FREM1: variants seen among roughly 807,000 people sequenced by gnomAD.
FREM1 encodes the protein FRAS1 related extracellular matrix 1, also known as FRAS1-related extracellular matrix protein 1.
FREM1 carries 220 observed loss-of-function variants against 210.1 expected under a neutral mutation model. That is an observed-to-expected ratio of 1.05 (90% CI 0.94 to 1.17). The LOEUF (loss-of-function observed/expected upper bound fraction) is 1.17, where lower values mean the gene tolerates loss of function less well. Among genes scored for constraint, FREM1 ranks in the 50% most tolerant of loss-of-function variants. FREM1 has a pLI of 0.00. For synonymous variants in FREM1, 1,189 were observed against 980.2 expected (o/e 1.21, Z -3.98); for missense variants, 3,454 against 2,675.5 (o/e 1.29, Z -6.42).
At chr9:14,810,759 T>C (rs960564073) in intron 16 of FREM1, among the ~76,000 whole-genome samples, 1 of 152,210 alleles carries the variant, frequency 6.6e-6, no homozygotes, top group African/African-American at 2.4e-5. Context: ...GCTGCATATG[T>C]TACAACATAA....
At chr9:14,817,257 G>T (rs1217014520) in intron 14 of FREM1, among the ~76,000 whole-genome samples, 1 of 152,152 alleles carries the variant, frequency 6.6e-6, no homozygotes, top group African/African-American at 2.4e-5. Context: ...CTGTGGATTT[G>T]ATCTTTTTCT....
In FREM1 at chr9:14,816,774, C is replaced by T. The variant is rs886063769; in HGVS notation, c.2640+4G>A. The stretch of plus-strand genomic sequence containing the variant: ...ATAACCCAGGGAAGAAACTTTCTAC[C>T]CACCTCAACATGTAGTACAAATTCT... On this transcript the variant is annotated splice_donor_region_variant and intron_variant, in intron 15 of 36. Coordinates refer to ENST00000380880, the MANE Select transcript of FREM1 (RefSeq NM_001379081.2). The T allele has an allele frequency of 7.3e-7, 1 of 1,378,458 alleles. No individual in the cohort carries two copies. Among genetic ancestry groups the T allele is most frequent in the Non-Finnish European group, 9.6e-7 (1 of 1,037,464 alleles). 85.4% of individuals were successfully genotyped at this position (1,378,458 alleles called of 1,614,324 possible).
At chr9:14,898,845 C>T (rs1015889671) in intron 1 of FREM1, among the ~76,000 whole-genome samples, 17 of 152,140 alleles carry the variant, frequency 1.1e-4, no homozygotes, top group African/African-American at 3.4e-4. Context: ...AACAAATGCA[C>T]GACACTAATG....
At chr9:14,801,576 T>C in intron 20 of FREM1, 76 bp downstream of exon 20, 1 of 1,030,650 alleles carries the variant, frequency 9.7e-7, no homozygotes, top group Non-Finnish European at 1.5e-6. Context: ...TTTGACCTTT[T>C]TAGATTTCAC....
intron 25 of FREM1, among the ~76,000 whole-genome samples, chr9:14,771,944 T>C (rs1847643217): frequency 6.6e-6 from 1 of 152,094 alleles, no homozygotes; most frequent in Admixed American, 6.6e-5. Context: ...TATATTTATC[T>C]ATACATAATG....
At chr9:14,748,749 T>C in intron 30 of FREM1, 110 bp from the exon 31 acceptor site, 1 of 712,688 alleles carries the variant, frequency 1.4e-6, no homozygotes, top group East Asian at 2.5e-5. Context: ...ATGGATGGTT[T>C]TCCCACCAGA....
At chr9:14,885,685 G>A (rs556190929) in intron 1 of FREM1, among the ~76,000 whole-genome samples, 1 of 151,766 alleles carries the variant, frequency 6.6e-6, no homozygotes, top group African/African-American at 2.4e-5. Flanking sequence ...GCCTCCCAAA[G>A]TTCTGGGATT....
intron 29 of FREM1, chr9:14,751,564 G>A (rs1036232107): frequency 6.6e-6 from 1 of 152,418 alleles, no homozygotes; most frequent in South Asian, 2.1e-4. Context: ...GGAGGCTGAG[G>A]TGGGAGGATC....
At position 14,784,425 on chromosome 9, in the gene FREM1, G is replaced by T; in HGVS notation, c.4387C>A (p.Gln1463Lys). Residue 1463 changes from glutamine to lysine, a missense_variant, in exon 24 of 37, where the codon CAG becomes AAG. Coordinates refer to ENST00000380880, the MANE Select transcript of FREM1 (RefSeq NM_001379081.2). ...CTCTTGTGTACATAGCAAACTGTCT[G>T]CCCCACTACATCCATTTGGCTGAAG... is the stretch of plus-strand genomic sequence containing the variant. Reference protein sequence around the residue: ...TNFSQMDVVGQTVCYVHKSKV... With the variant: ...TNFSQMDVVGKTVCYVHKSKV... 1 of 1,613,858 alleles carries T rather than the reference G, an allele frequency of 6.2e-7. No individual in the cohort carries two copies.
chr9:14,803,728 A>G (rs1817784773), intron 19 of FREM1, among the ~76,000 whole-genome samples: 1 of 152,128 alleles, frequency 6.6e-6, no homozygotes, highest in African/African-American at 2.4e-5. Flanking sequence ...TCCTGCAACC[A>G]CATTTTATTG....
At chr9:14,747,813 C>A in intron 31 of FREM1, 85 bp from the exon 32 acceptor site, 1 of 739,602 alleles carries the variant, frequency 1.4e-6, no homozygotes, top group Non-Finnish European at 2.2e-6. Flanking sequence ...TAAGATCTTG[C>A]TAATGTCTGA....
chr9:14,750,391 A>G (rs974892191), intron 29 of FREM1, 115 bp from the exon 30 acceptor site: 18 of 730,020 alleles, frequency 2.5e-5, no homozygotes, highest in South Asian at 2.0e-5. Flanking sequence ...CGAGTGAGCT[A>G]TTGTACTGCT....
At chr9:14,874,829 T>C (rs1833389449) in intron 1 of FREM1, among the ~76,000 whole-genome samples, 3 of 152,336 alleles carry the variant, frequency 2.0e-5, no homozygotes, top group South Asian at 4.1e-4. Flanking sequence ...CCATATTTAG[T>C]GCTTCCTTCA....
At chr9:14,843,904 T>C (rs1354525171) in intron 8 of FREM1, among the ~76,000 whole-genome samples, 1 of 152,208 alleles carries the variant, frequency 6.6e-6, no homozygotes, top group Admixed American at 6.5e-5. Flanking sequence ...TATCTAACAG[T>C]CTGGGTTCAA....
intron 1 of FREM1, among the ~76,000 whole-genome samples, chr9:14,898,842 G>T (rs545011706): frequency 2.6e-5 from 4 of 152,206 alleles, no homozygotes; most frequent in African/African-American, 7.2e-5. Context: ...TGTAACAAAT[G>T]CACGACACTA....
rs551459653 is a variant in FREM1 at position 14,903,324 on chromosome 9, A to G, written c.-268+6590T>C. Among the ~76,000 whole-genome samples the G allele has an allele frequency of 2.6e-5, 4 of 152,344 alleles. No individual in the cohort carries two copies. In the South Asian group the frequency reaches 8.3e-4, roughly 32 times the overall value. ...ATATTAAAAGGAAAGAAAATTATGA[A>G]GAATGACTGATGAGGAAAGCAAAAG... is the stretch of plus-strand genomic sequence containing the variant. On this transcript the variant is annotated intron_variant, in intron 1 of 36. Transcript: ENST00000380880.
chr9:14,850,101 G>C (rs1273342653), intron 6 of FREM1, among the ~76,000 whole-genome samples: 1 of 152,182 alleles, frequency 6.6e-6, no homozygotes. Flanking sequence ...GTCTCTATCA[G>C]TCTGCTCGTT....
rs562744708 is a variant in FREM1 at position 14,886,762 on chromosome 9, C to G, written c.-267-17518G>C. On this transcript the variant is annotated intron_variant, in intron 1 of 36. Coordinates refer to ENST00000380880, the MANE Select transcript of FREM1 (RefSeq NM_001379081.2). ...AAAAATTTTAAATTAGGTTGGTGTG[C>G]TGGCACATGCCTGTGGTCCCAGCCA... Among the ~76,000 whole-genome samples, 28 of 152,100 alleles carry G rather than the reference C, an allele frequency of 1.8e-4. No homozygotes were observed. The East Asian group carries it at 5.0e-3, about 27-fold the overall frequency.
intron 1 of FREM1, among the ~76,000 whole-genome samples, chr9:14,872,212 T>G (rs939024449): frequency 2.0e-5 from 3 of 152,214 alleles, no homozygotes; most frequent in Admixed American, 6.5e-5. Flanking sequence ...AAGAAAATCA[T>G]TGGTAGCTTG....
Sources: gnomAD v4.1 joint callset for allele counts (sites outside exome capture counted in the v4.1 genomes callset) on GRCh38, gnomAD v4.1.1 for gene constraint, MANE v1.5 for transcripts, NCBI Gene and HGNC (gene_info 2026-07-23, HGNC 2026-07-21) for gene names.